The following HMGN3 variants were observed in gnomAD, a reference collection of about 807,000 sequenced individuals.
HMGN3 encodes high mobility group nucleosomal binding domain 3.
HMGN3 carries 6 observed loss-of-function variants against 18.8 expected under a neutral mutation model. The ratio of observed to expected loss-of-function variants is 0.32; its 90% CI spans 0.18 to 0.63. HMGN3 has a LOEUF of 0.63. Ranked by LOEUF, HMGN3 falls within the 30% of genes least tolerant of loss-of-function variation. HMGN3 has a pLI of 0.79. For missense variants in HMGN3, 107 were observed against 114.2 expected, an observed-to-expected ratio of 0.94 and a Z score of 0.29; for synonymous variants, 40 against 36.5, an observed-to-expected ratio of 1.10 and a Z score of -0.35.
intron 3 of HMGN3, among the ~76,000 whole-genome samples, chr6:79,206,510 G>T (rs776826677): frequency 3.3e-5 from 5 of 152,218 alleles, no homozygotes; most frequent in Non-Finnish European, 7.3e-5. Context: ...CGAGTGTGCA[G>T]AAGTGAAGAA....
chr6:79,204,876 A>G (rs1776336005), intron 3 of HMGN3, among the ~76,000 whole-genome samples: 1 of 152,198 alleles, frequency 6.6e-6, no homozygotes, highest in African/African-American at 2.4e-5. Flanking sequence ...TGGCTCTTAC[A>G]TTTTCAGAAT....
intron 1 of HMGN3, 85 bp downstream of exon 1, chr6:79,234,461 G>A (rs914667211): frequency 2.9e-5 from 39 of 1,333,180 alleles, no homozygotes; most frequent in Non-Finnish European, 3.9e-5. Context: ...ACTACCGCGC[G>A]CGTTCTGCGC....
chr6:79,223,050 C>T (rs941880689), intron 1 of HMGN3, among the ~76,000 whole-genome samples: 1 of 152,132 alleles, frequency 6.6e-6, no homozygotes, highest in African/African-American at 2.4e-5. Context: ...AGTGTAAATA[C>T]ACACAATTCA....
chr6:79,225,375 T>C (rs933547755), intron 1 of HMGN3, among the ~76,000 whole-genome samples: 1 of 152,180 alleles, frequency 6.6e-6, no homozygotes, highest in Non-Finnish European at 1.5e-5. Flanking sequence ...AATAAAACAT[T>C]AGTCAACTGG....
chr6:79,205,551 T>C (rs1212147485), intron 3 of HMGN3, among the ~76,000 whole-genome samples: 4 of 152,246 alleles, frequency 2.6e-5, no homozygotes, highest in Non-Finnish European at 4.4e-5. Context: ...CCCAGCCACA[T>C]GGAACTGTAA....
At chr6:79,232,206 T>C (rs1777874569) in intron 1 of HMGN3, among the ~76,000 whole-genome samples, 1 of 152,216 alleles carries the variant, frequency 6.6e-6, no homozygotes, top group African/African-American at 2.4e-5. Flanking sequence ...TGAAGAGCTA[T>C]GCATGGATTG....
At chr6:79,227,361 A>G (rs541400682) in intron 1 of HMGN3, among the ~76,000 whole-genome samples, 2 of 152,290 alleles carry the variant, frequency 1.3e-5, no homozygotes, top group Admixed American at 1.3e-4. Flanking sequence ...TTAAACATGT[A>G]TTTCTATAAT....
chr6:79,209,711 G>A (rs1435348755), intron 2 of HMGN3, among the ~76,000 whole-genome samples: 1 of 152,174 alleles, frequency 6.6e-6, no homozygotes, highest in African/African-American at 2.4e-5. Flanking sequence ...CTTGAAGTGG[G>A]GCTAAGGTCA....
chr6:79,230,169 G>GA (rs1446146277), intron 1 of HMGN3, among the ~76,000 whole-genome samples: 1 of 152,080 alleles, frequency 6.6e-6, no homozygotes. Flanking sequence ...CATGCTGAGT[G>GA]AAAAAATCAG....
intron 2 of HMGN3, 101 bp from the exon 3 acceptor site, chr6:79,208,677 A>G: frequency 2.2e-6 from 2 of 913,772 alleles, no homozygotes; most frequent in Non-Finnish European, 3.7e-6. Flanking sequence ...TTGTTGAATG[A>G]CTATAATGTA....
chr6:79,234,424 G>A (rs1209703048), intron 1 of HMGN3, 122 bp downstream of exon 1: 4 of 878,560 alleles, frequency 4.6e-6, no homozygotes, highest in Non-Finnish European at 7.5e-6. Context: ...CAAGCGTGGA[G>A]GAGCAAAGAT....
intron 1 of HMGN3, among the ~76,000 whole-genome samples, chr6:79,224,710 G>A (rs1272120643): frequency 6.6e-6 from 1 of 152,166 alleles, no homozygotes; most frequent in Non-Finnish European, 1.5e-5. Flanking sequence ...CAGATGAAGA[G>A]TAGAGCTTCC....
At chr6:79,224,254 T>A (rs1408654270) in intron 1 of HMGN3, among the ~76,000 whole-genome samples, 1 of 152,200 alleles carries the variant, frequency 6.6e-6, no homozygotes, top group Non-Finnish European at 1.5e-5. Flanking sequence ...TTCATACTCT[T>A]ATCCACTACA....
chr6:79,215,410 AAGAT>A, intron 1 of HMGN3, among the ~76,000 whole-genome samples: 1 of 152,346 alleles, frequency 6.6e-6, no homozygotes, highest in East Asian at 1.9e-4. Flanking sequence ...CCATTCCTTT[AAGAT>A]AAGGGCAGGA....
intron 2 of HMGN3, among the ~76,000 whole-genome samples, chr6:79,214,271 G>A (rs952959152): frequency 1.4e-4 from 21 of 147,272 alleles, no homozygotes; most frequent in Admixed American, 1.1e-3. Context: ...GTGTGATCTC[G>A]GCTCACTGCA....
At chr6:79,206,744 T>A (rs1282829427) in intron 3 of HMGN3, among the ~76,000 whole-genome samples, 1 of 152,168 alleles carries the variant, frequency 6.6e-6, no homozygotes, top group East Asian at 1.9e-4. Flanking sequence ...GAATGGTAGA[T>A]TCACTGTCAG....
intron 1 of HMGN3, among the ~76,000 whole-genome samples, chr6:79,232,232 T>C (rs757477769): frequency 1.3e-5 from 2 of 152,210 alleles, no homozygotes; most frequent in African/African-American, 2.4e-5. Flanking sequence ...AGTTCTTTTT[T>C]GTATCTAAGC....
At chr6:79,221,047 T>C (rs1325678921) in intron 1 of HMGN3, among the ~76,000 whole-genome samples, 1 of 152,168 alleles carries the variant, frequency 6.6e-6, no homozygotes, top group Non-Finnish European at 1.5e-5. Context: ...TCTGTATTTA[T>C]GTTTTTTTCT....
chr6:79,218,249 A>G (rs1777096523), intron 1 of HMGN3, among the ~76,000 whole-genome samples: 1 of 152,162 alleles, frequency 6.6e-6, no homozygotes, highest in African/African-American at 2.4e-5. Context: ...ATGCTTGCTC[A>G]ATTAGATTTT....
Sources: gnomAD v4.1 joint callset for allele counts (sites outside exome capture counted in the v4.1 genomes callset) on GRCh38, gnomAD v4.1.1 for gene constraint, MANE v1.5 for transcripts, NCBI Gene and HGNC (gene_info 2026-07-23, HGNC 2026-07-21) for gene names.